The following TMTC2 variants were observed in gnomAD, a reference collection of about 807,000 sequenced individuals.
The protein encoded by TMTC2 is protein O-mannosyl-transferase TMTC2.
In TMTC2, 43 loss-of-function variants were observed where a neutral mutation model predicts 82.4. The ratio of observed to expected loss-of-function variants is 0.52; its 90% CI spans 0.41 to 0.67. The LOEUF is 0.67. TMTC2 is among the 30% of genes least tolerant of loss of function. The pLI, the probability that TMTC2 is intolerant of heterozygous loss-of-function variation, is 0.00. For synonymous variants in TMTC2, 408 were observed against 381.9 expected (o/e 1.07, Z -0.80); for missense variants, 919 against 1,012.4 (o/e 0.91, Z 1.25).
intron 1 of TMTC2, among the ~76,000 whole-genome samples, chr12:82,778,245 C>T (rs954318393): frequency 7.2e-5 from 11 of 152,042 alleles, no homozygotes; most frequent in African/African-American, 9.7e-5. Flanking sequence ...CCAATCATGA[C>T]TAGAGATGTG....
intron 11 of TMTC2, among the ~76,000 whole-genome samples, chr12:83,108,432 C>T (rs967910132): frequency 1.3e-5 from 2 of 152,030 alleles, no homozygotes; most frequent in Non-Finnish European, 1.5e-5. Context: ...GAGATCAAGA[C>T]CATCCTGGCC....
At chr12:83,032,417 TA>T (rs993978926) in intron 9 of TMTC2, among the ~76,000 whole-genome samples, 3 of 151,014 alleles carry the variant, frequency 2.0e-5, no homozygotes, top group Admixed American at 2.0e-4. Context: ...CTTCTACTTA[TA>T]AAAAAAAGTA....
intron 11 of TMTC2, among the ~76,000 whole-genome samples, chr12:83,071,661 A>C (rs1039524441): frequency 3.3e-5 from 5 of 152,026 alleles, no homozygotes; most frequent in African/African-American, 1.2e-4. Flanking sequence ...GTAATTTTTT[A>C]ATTACCATTT....
chr12:83,058,497 C>T (rs1187902150), intron 10 of TMTC2, among the ~76,000 whole-genome samples: 1 of 151,774 alleles, frequency 6.6e-6, no homozygotes, highest in African/African-American at 2.4e-5. Context: ...GTCCCAACAG[C>T]TATGATAGGT....
intron 1 of TMTC2, among the ~76,000 whole-genome samples, chr12:82,714,555 A>G (rs1314680619): frequency 6.6e-6 from 1 of 152,090 alleles, no homozygotes; most frequent in Non-Finnish European, 1.5e-5. Context: ...ATTACTACCT[A>G]CGAAGCATTT....
intron 11 of TMTC2, among the ~76,000 whole-genome samples, chr12:83,067,658 A>C (rs968649304): frequency 3.9e-5 from 6 of 152,054 alleles, no homozygotes; most frequent in Admixed American, 1.3e-4. Context: ...TTAAAGACTC[A>C]TGGACAACTG....
chr12:83,120,113 A>G lies in TMTC2; in HGVS notation c.2332-12097A>G, dbSNP rs150859220. 1.3e-3 allele frequency among the ~76,000 whole-genome samples: 191 copies of G among 152,314 alleles called. 1 individual carries two copies. Among genetic ancestry groups the G allele is most frequent in the African/African-American group, 4.1e-3 (172 of 41,576 alleles). Reference sequence around the variant, plus strand: ...CAATTCTGTATCTTTTAAGTGGAGCATTTAGGCCACTTACATTCAACGTTA... The same window carrying G: ...CAATTCTGTATCTTTTAAGTGGAGCGTTTAGGCCACTTACATTCAACGTTA... On this transcript the variant is annotated intron_variant, in intron 11 of 11. Transcript: ENST00000321196.
intron 4 of TMTC2, among the ~76,000 whole-genome samples, chr12:82,958,983 T>C (rs1004602547): frequency 1.3e-5 from 2 of 152,080 alleles, no homozygotes; most frequent in Admixed American, 6.6e-5. Flanking sequence ...TAAAGTTTCA[T>C]GATACAAAAA....
chr12:82,734,226 C>T (rs1378766622), intron 1 of TMTC2, among the ~76,000 whole-genome samples: 4 of 152,130 alleles, frequency 2.6e-5, no homozygotes, highest in African/African-American at 7.2e-5. Flanking sequence ...ACCACAAGAG[C>T]GAGCAGGCTT....
intron 11 of TMTC2, among the ~76,000 whole-genome samples, chr12:83,112,410 C>T (rs1318300918): frequency 6.6e-6 from 1 of 152,156 alleles, no homozygotes; most frequent in Non-Finnish European, 1.5e-5. Context: ...TTAATTTCTA[C>T]ATCTCTTAGA....
chr12:82,884,446 C>CT (rs558740435), intron 2 of TMTC2, among the ~76,000 whole-genome samples: 1 of 152,098 alleles, frequency 6.6e-6, no homozygotes, highest in Non-Finnish European at 1.5e-5. Context: ...TGTATTCAGA[C>CT]TTTTTTGATT....
chr12:82,735,349 A>AT (rs66550396), intron 1 of TMTC2, among the ~76,000 whole-genome samples: 140,999 of 143,964 alleles, frequency 0.98, 69,078 homozygotes, highest in Non-Finnish European at 0.99. Context: ...ATTAATTTTG[A>AT]TTTTTTTTTT....
chr12:83,092,755 G>A (rs1177361298), intron 11 of TMTC2, among the ~76,000 whole-genome samples: 12 of 152,086 alleles, frequency 7.9e-5, no homozygotes, highest in Non-Finnish European at 1.8e-4. Context: ...CTCTTATCAG[G>A]CACCCCTCTA....
At chr12:82,870,098 A>G (rs1220634372) in intron 2 of TMTC2, among the ~76,000 whole-genome samples, 3 of 152,056 alleles carry the variant, frequency 2.0e-5, no homozygotes, top group Non-Finnish European at 4.4e-5. Context: ...CTGTCACTCA[A>G]ATTCATCATT....
At chr12:82,826,534 A>G (rs970797498) in intron 1 of TMTC2, among the ~76,000 whole-genome samples, 8 of 152,200 alleles carry the variant, frequency 5.3e-5, no homozygotes, top group African/African-American at 1.9e-4. Context: ...TTTGCATTTC[A>G]TTTTGAATCA....
Position 82,749,768 on chromosome 12 carries a change from C to T in TMTC2, c.83+62099C>T, listed in dbSNP as rs112252241. On this transcript the variant is annotated intron_variant, in intron 1 of 11. Transcript: ENST00000321196. The stretch of plus-strand genomic sequence containing the variant: ...TTTTTTTTTTTTTGAGGCGGAGTCT[C>T]GCTTTGTTGCCTAGGCTGGAGTGCA... Among the ~76,000 whole-genome samples the T allele has an allele frequency of 1.3e-3, 166 of 125,446 alleles. 1 individual carries two copies. Among genetic ancestry groups the T allele is most frequent in the African/African-American group, 4.7e-3 (155 of 32,816 alleles). The allele number at this position is 125,446 out of a possible 152,430, so 82.3% of individuals were successfully genotyped here.
chr12:82,882,361 A>G (rs982430322), intron 2 of TMTC2, among the ~76,000 whole-genome samples: 3 of 152,182 alleles, frequency 2.0e-5, no homozygotes, highest in Admixed American at 2.0e-4. Flanking sequence ...CCCTTCTCAC[A>G]TATCTTTCTA....
chr12:83,130,789 G>A (rs2137574170), intron 11 of TMTC2, among the ~76,000 whole-genome samples: 1 of 152,206 alleles, frequency 6.6e-6, no homozygotes, highest in East Asian at 1.9e-4. Context: ...TTTTTTCACT[G>A]TATCTATCTA....
At chr12:82,967,900 A>C (rs936107605) in intron 7 of TMTC2, among the ~76,000 whole-genome samples, 6 of 152,096 alleles carry the variant, frequency 3.9e-5, no homozygotes, top group Non-Finnish European at 8.8e-5. Context: ...TATAATCTCC[A>C]GGATTATTGT....
Sources: allele counts gnomAD v4.1 joint callset (sites outside exome capture counted in the v4.1 genomes callset), GRCh38; gene constraint gnomAD v4.1.1; transcripts MANE v1.5; gene names NCBI Gene and HGNC (gene_info 2026-07-23, HGNC 2026-07-21).